Variants in PEX1 observed in about 807,000 individuals in gnomAD.
PEX1 encodes the protein peroxisomal ATPase PEX1.
Under a neutral mutation model 152.5 loss-of-function variants are expected in PEX1, and 97 were observed. That is an observed-to-expected ratio of 0.64 (90% CI 0.54 to 0.75). PEX1 has a LOEUF of 0.75. Ranked by LOEUF, PEX1 falls within the 30% of genes least tolerant of loss-of-function variation. PEX1 has a pLI of 0.00. For synonymous variants in PEX1, 485 were observed against 531.6 expected (o/e 0.91, Z 1.21); for missense variants, 1,357 against 1,516.3 (o/e 0.89, Z 1.74).
At chr7:92,516,214 T>C (rs1029387013) in intron 5 of PEX1, among the ~76,000 whole-genome samples, 1 of 151,810 alleles carries the variant, frequency 6.6e-6, no homozygotes, top group Non-Finnish European at 1.5e-5. Flanking sequence ...TCACCTGAGG[T>C]CAGGAGTTCC....
At chr7:92,518,762 G>A (rs571770809) in intron 3 of PEX1, among the ~76,000 whole-genome samples, 1 of 152,078 alleles carries the variant, frequency 6.6e-6, no homozygotes, top group African/African-American at 2.4e-5. Context: ...TAGATACGGG[G>A]TTTCACCATG....
intron 5 of PEX1, 73 bp downstream of exon 5, chr7:92,517,203 A>G: frequency 1.8e-6 from 2 of 1,133,524 alleles, no homozygotes; most frequent in Admixed American, 1.8e-5. Context: ...TATATGAAAT[A>G]CTATTCTAAT....
intron 1 of PEX1, among the ~76,000 whole-genome samples, chr7:92,522,485 C>T (rs538820651): frequency 6.6e-6 from 1 of 152,264 alleles, no homozygotes; most frequent in African/African-American, 2.4e-5. Context: ...TTAATCAACC[C>T]CTTCAGAATT....
At position 92,493,363 on chromosome 7, in the gene PEX1, G is replaced by A. The variant is rs550096122; in HGVS notation, c.3031-234C>T. 2.6e-5 allele frequency: 7 copies of A among 264,636 alleles called. No individual in the cohort carries two copies. In the South Asian group the frequency reaches 4.2e-4, roughly 16 times the overall value. 16.4% of individuals were successfully genotyped at this position (264,636 alleles called of 1,614,324 possible). A position where few individuals can be genotyped will look rare whatever the true frequency, so the allele number is the denominator to read the frequency against. On this transcript the variant is annotated intron_variant, in intron 19 of 23. Transcript: ENST00000248633. ...ATCAAACACTCTTAAGGCTGGGCAT[G>A]GTGGCTCACGCCTGTAATCCCAACA...
intron 2 of PEX1, among the ~76,000 whole-genome samples, chr7:92,521,104 C>A (rs954250344): frequency 6.6e-6 from 1 of 152,116 alleles, no homozygotes; most frequent in African/African-American, 2.4e-5. Flanking sequence ...GGACTACAAG[C>A]ATTTGCTACC....
At chr7:92,504,597 T>C (rs1265491473) in intron 12 of PEX1, 135 bp downstream of exon 12, 2 of 873,772 alleles carry the variant, frequency 2.3e-6, no homozygotes, top group Non-Finnish European at 3.6e-6. Context: ...AACTGTAGAA[T>C]GCCATCAGGG....
rs764541484 is a variant in PEX1 at position 92,517,501 on chromosome 7, T to C, written c.1014A>G (p.Leu338=). The change falls in exon 5 of 24, where the codon CTA becomes CTG. Residue 338 remains leucine, a synonymous_variant. Coordinates refer to ENST00000248633, the MANE Select transcript of PEX1 (RefSeq NM_000466.3). ...TACTTTGCTGTTGCTTTGGAGAAAGTAGCTTAACTAGCTTTCCATATGTCA... is the reference window on the plus strand; with the variant it reads ...TACTTTGCTGTTGCTTTGGAGAAAGCAGCTTAACTAGCTTTCCATATGTCA... The part of the protein sequence containing the change: ...FTVTYGKLVK[L]LSPKQQQSKT... The C allele has an allele frequency of 2.5e-6, 4 of 1,614,060 alleles. No homozygotes were observed. Among genetic ancestry groups the C allele is most frequent in the Non-Finnish European group, 3.4e-6 (4 of 1,179,996 alleles).
intron 5 of PEX1, among the ~76,000 whole-genome samples, chr7:92,514,827 G>A (rs1243718372): frequency 1.3e-5 from 2 of 151,960 alleles, no homozygotes; most frequent in African/African-American, 2.4e-5. Context: ...CGAGGTGGGC[G>A]GATCACAAGG....
At chr7:92,497,919 T>C (rs1791730886) in intron 16 of PEX1, among the ~76,000 whole-genome samples, 1 of 150,372 alleles carries the variant, frequency 6.7e-6, no homozygotes, top group South Asian at 2.1e-4. Context: ...AATACAAAAA[T>C]TCACCGGGTG....
chr7:92,507,941 C>A (rs1792280071), intron 9 of PEX1: 1 of 152,078 alleles, frequency 6.6e-6, no homozygotes, highest in African/African-American at 2.4e-5. Flanking sequence ...CCGCGCCCAG[C>A]CTCCAAGCTT....
intron 22 of PEX1, 72 bp from the exon 23 acceptor site, chr7:92,489,495 ACTT>A (rs751910989): frequency 8.0e-5 from 108 of 1,349,356 alleles, no homozygotes; most frequent in Non-Finnish European, 1.1e-4. Context: ...TCCAGTTGTT[ACTT>A]CTTATTGTCA....
At chr7:92,506,593 C>T in intron 10 of PEX1, 1 of 534,530 alleles carries the variant, frequency 1.9e-6, no homozygotes, top group Non-Finnish European at 3.4e-6. Context: ...TGGACAAAAG[C>T]TCAACAGAAC....
At chr7:92,509,843 T>C (rs1035424820) in intron 8 of PEX1, among the ~76,000 whole-genome samples, 1 of 152,102 alleles carries the variant, frequency 6.6e-6, no homozygotes, top group Non-Finnish European at 1.5e-5. Flanking sequence ...AAAAATAATA[T>C]TGTAAAAAGA....
At position 92,507,008 on chromosome 7, in the gene PEX1, G is replaced by A; in HGVS notation, c.1789C>T (p.Leu597Phe). The stretch of plus-strand genomic sequence containing the variant: ...TAACCACTTACCTTTCCTCCTGTGA[G>A]TAAAAGAGCTCCATTCCTAAGTCCT... ...VAGLRNGALLLTGGKGSGKST... is the reference protein window; with the variant it reads ...VAGLRNGALLFTGGKGSGKST... The change falls in exon 10 of 24, where the codon CTC (leucine) becomes TTC (phenylalanine). Residue 597 changes from leucine (L) to phenylalanine (F), a missense_variant. Physicochemically the swap from Leu to Phe is conservative, Grantham distance 22. Transcript: ENST00000248633. 1 of 1,614,092 alleles carries A rather than the reference G, an allele frequency of 6.2e-7. No homozygotes were observed. Among genetic ancestry groups the A allele is most frequent in the Non-Finnish European group, 8.5e-7 (1 of 1,179,960 alleles).
intron 1 of PEX1, among the ~76,000 whole-genome samples, chr7:92,524,618 G>A (rs927831275): frequency 3.3e-5 from 5 of 152,110 alleles, no homozygotes; most frequent in Non-Finnish European, 7.4e-5. Context: ...CCACTTCTGG[G>A]ACAATATAAC....
intron 2 of PEX1, 60 bp downstream of exon 2, chr7:92,522,042 T>G (rs922584162): frequency 2.0e-5 from 31 of 1,546,054 alleles, no homozygotes; most frequent in Non-Finnish European, 2.8e-5. Flanking sequence ...CTTTTAATTT[T>G]ATTTCTATTG....
chr7:92,509,487 T>C, intron 8 of PEX1, 76 bp from the exon 9 acceptor site: 1 of 961,712 alleles, frequency 1.0e-6, no homozygotes, highest in Non-Finnish European at 1.7e-6. Flanking sequence ...CCCAGAAAAC[T>C]AAATTGCTGA....
At chr7:92,522,580 C>G (rs1310904199) in intron 1 of PEX1, among the ~76,000 whole-genome samples, 3 of 152,006 alleles carry the variant, frequency 2.0e-5, no homozygotes, top group Non-Finnish European at 4.4e-5. Flanking sequence ...ATTAACGATT[C>G]AAAGAAAAAA....
rs751374565 is a variant in PEX1, at chr7:92,500,329, A to C, written c.2584-491T>G. 1.3e-3 allele frequency among the ~76,000 whole-genome samples: 196 copies of C among 152,234 alleles called. 2 individuals carry two copies. Among genetic ancestry groups the C allele is most frequent in the Admixed American group, 7.2e-4 (11 of 15,288 alleles). ...TGCTCAAGAACAAGAGAACTTTTTG[A>C]ACAGGTGAGCCAAACATGAGGCTAC... On this transcript the variant is annotated intron_variant, in intron 15 of 23. Coordinates refer to ENST00000248633, the MANE Select transcript of PEX1 (RefSeq NM_000466.3).
Sources: gnomAD v4.1 joint callset for allele counts (sites outside exome capture counted in the v4.1 genomes callset) on GRCh38, gnomAD v4.1.1 for gene constraint, MANE v1.5 for transcripts, NCBI Gene and HGNC (gene_info 2026-07-23, HGNC 2026-07-21) for gene names.